Variants in RBFOX1 observed in about 807,000 individuals in gnomAD.
The protein encoded by RBFOX1 is RNA binding protein fox-1 homolog 1.
In RBFOX1, 8 loss-of-function variants were observed where a neutral mutation model predicts 57.7. The observed-to-expected ratio is 0.14, with a 90% CI of 0.08 to 0.25. The LOEUF (loss-of-function observed/expected upper bound fraction) is 0.25, where lower values mean the gene tolerates loss of function less well. Ranked by LOEUF, RBFOX1 falls within the 10% of genes least tolerant of loss-of-function variation. RBFOX1 has a pLI of 1.00. For synonymous variants in RBFOX1, 326 were observed against 222.4 expected, an observed-to-expected ratio of 1.47 and a Z score of -4.15; for missense variants, 611 against 548.5, an observed-to-expected ratio of 1.11 and a Z score of -1.14.
intron 4 of RBFOX1, among the ~76,000 whole-genome samples, chr16:7,422,184 G>A (rs547327644): frequency 8.2e-4 from 125 of 152,212 alleles, no homozygotes; most frequent in African/African-American, 3.0e-3. Flanking sequence ...GTGTGCTTGT[G>A]CGAGTGAGAA....
intron 11 of RBFOX1, among the ~76,000 whole-genome samples, chr16:7,636,823 G>A (rs1407789580): frequency 7.0e-6 from 1 of 142,768 alleles, no homozygotes; most frequent in Non-Finnish European, 1.5e-5. Flanking sequence ...TTTCACAAGA[G>A]AGAGACAGAG....
intron 1 of RBFOX1, among the ~76,000 whole-genome samples, chr16:5,250,591 G>C (rs1404190539): frequency 1.3e-5 from 2 of 152,134 alleles, no homozygotes; most frequent in Non-Finnish European, 2.9e-5. Context: ...GCACATAAGT[G>C]CTTATTGTAA....
At chr16:5,289,518 T>C (rs1220907929) in intron 1 of RBFOX1, 1 of 188,010 alleles carries the variant, frequency 5.3e-6, no homozygotes, top group African/African-American at 2.4e-5. Context: ...GTAGACCTGG[T>C]ATTTTGGATA....
chr16:6,444,281 A>G (rs556809107), intron 2 of RBFOX1, among the ~76,000 whole-genome samples: 38 of 152,192 alleles, frequency 2.5e-4, no homozygotes, highest in African/African-American at 7.7e-4. Context: ...TGCCTGGCAC[A>G]TGGTGGACGC....
Position 7,341,768 on chromosome 16 carries a change from C to CTCCCTCCT in RBFOX1, c.28-176372_28-176371insTTCCCTCC, listed in dbSNP as rs2096899006. Among the ~76,000 whole-genome samples the CTCCCTCCT allele has an allele frequency of 6.1e-5, 6 of 99,136 alleles. No individual in the cohort carries two copies. The East Asian group carries it at 2.0e-3, about 33-fold the overall frequency. The allele number at this position is 99,136 out of a possible 152,430, so 65.0% of individuals were successfully genotyped here. The stretch of plus-strand genomic sequence containing the variant: ...CCTCCCTCCCTCCTTCCCTCCTTCC[C>CTCCCTCCT]TCCCTCCCTCCTTCCTTCCTTCCTT... On this transcript the variant is annotated intron_variant, in intron 4 of 15. Transcript: ENST00000550418.
At chr16:5,652,896 G>C (rs867799775) in intron 3 of RBFOX1, among the ~76,000 whole-genome samples, 1 of 152,196 alleles carries the variant, frequency 6.6e-6, no homozygotes, top group African/African-American at 2.4e-5. Flanking sequence ...GATGTGTATA[G>C]TACATATGTG....
At chr16:5,691,539 C>T (rs567559868) in intron 3 of RBFOX1, among the ~76,000 whole-genome samples, 1 of 152,092 alleles carries the variant, frequency 6.6e-6, no homozygotes, top group Non-Finnish European at 1.5e-5. Flanking sequence ...CCCAAAATGC[C>T]TAGGACTAGA....
upstream of RBFOX1, among the ~76,000 whole-genome samples, chr16:6,018,343 A>G (rs1250360715): frequency 6.6e-6 from 1 of 152,240 alleles, no homozygotes; most frequent in African/African-American, 2.4e-5. Flanking sequence ...AACCTCCAGT[A>G]TCTACTTCCA....
intron 4 of RBFOX1, among the ~76,000 whole-genome samples, chr16:7,157,985 C>T (rs2077490901): frequency 6.6e-6 from 1 of 152,124 alleles, no homozygotes; most frequent in Non-Finnish European, 1.5e-5. Context: ...TGACAAAAAG[C>T]TGTAAGAAAT....
intron 1 of RBFOX1, among the ~76,000 whole-genome samples, chr16:6,284,733 A>G (rs949234344): frequency 6.6e-6 from 1 of 152,158 alleles, no homozygotes; most frequent in Non-Finnish European, 1.5e-5. Flanking sequence ...TTGTGAAATC[A>G]GGGGAGAATG....
At chr16:5,512,437 TC>T (rs2043631235) in intron 2 of RBFOX1, among the ~76,000 whole-genome samples, 1 of 59,874 alleles carries the variant, frequency 1.7e-5, no homozygotes, top group Non-Finnish European at 3.1e-5. Context: ...TCTCTCTGTC[TC>T]TCTCTCTCTT....
chr16:5,416,792 T>A (rs1424145970), intron 1 of RBFOX1, among the ~76,000 whole-genome samples: 1 of 152,084 alleles, frequency 6.6e-6, no homozygotes, highest in Non-Finnish European at 1.5e-5. Flanking sequence ...AACAAAGCAA[T>A]TTGCTTTGGC....
chr16:7,671,719 A>G (rs2071501375), intron 13 of RBFOX1: 1 of 925,498 alleles, frequency 1.1e-6, no homozygotes, highest in South Asian at 1.4e-5. Context: ...GGAAAGACTT[A>G]ACTGAATTTT....
chr16:5,336,516 A>G lies in RBFOX1; in HGVS notation c.219+96411A>G, dbSNP rs117096645. ...CAGGCTCAGAATTATCTGTGTGTGG[A>G]TGAGCCGTCCTAGGTATGGTCAGAC... On this transcript the variant is annotated intron_variant, in intron 1 of 2. Transcript: ENST00000585867. Among the ~76,000 whole-genome samples, 15 of 152,262 alleles carry G rather than the reference A, an allele frequency of 9.9e-5. No individual in the cohort carries two copies. In the East Asian group the frequency reaches 2.1e-3, roughly 22 times the overall value.
chr16:6,210,397 A>G (rs7498744), intron 1 of RBFOX1, among the ~76,000 whole-genome samples: 2 of 150,530 alleles, frequency 1.3e-5, no homozygotes, highest in Non-Finnish European at 3.0e-5. Context: ...AAGGAAGGAA[A>G]GAAGGAAGGG....
chr16:6,371,411 G>A (rs1482617091), intron 2 of RBFOX1, among the ~76,000 whole-genome samples: 1 of 152,048 alleles, frequency 6.6e-6, no homozygotes, highest in African/African-American at 2.4e-5. Flanking sequence ...ATGGATTCGT[G>A]TTTTTATTCT....
At chr16:6,905,072 T>G (rs76904493) in intron 3 of RBFOX1, among the ~76,000 whole-genome samples, 7,155 of 152,226 alleles carry the variant, frequency 0.047, 302 homozygotes, top group East Asian at 0.13. Flanking sequence ...TAAACTTCGT[T>G]TAACTTTCTT....
chr16:6,904,626 A>AG (rs1479897006), intron 3 of RBFOX1, among the ~76,000 whole-genome samples: 5 of 149,648 alleles, frequency 3.3e-5, no homozygotes, highest in African/African-American at 9.8e-5. Flanking sequence ...AAAAAAAAAA[A>AG]AAGAAGAAGA....
At chr16:7,387,497 G>T (rs1472501842) in intron 4 of RBFOX1, among the ~76,000 whole-genome samples, 1 of 152,158 alleles carries the variant, frequency 6.6e-6, no homozygotes, top group Non-Finnish European at 1.5e-5. Flanking sequence ...GTATCTCCCT[G>T]GGTCTCGTTT....
Sources: gnomAD v4.1 joint callset for allele counts (sites outside exome capture counted in the v4.1 genomes callset) on GRCh38, gnomAD v4.1.1 for gene constraint, MANE v1.5 for transcripts, NCBI Gene and HGNC (gene_info 2026-07-23, HGNC 2026-07-21) for gene names.